The following RUBCN variants were observed in gnomAD, a reference collection of about 807,000 sequenced individuals.
RUBCN encodes the protein run domain Beclin-1-interacting and cysteine-rich domain-containing protein.
RUBCN carries 74 observed loss-of-function variants against 113.2 expected under a neutral mutation model. The observed-to-expected ratio is 0.65, with a 90% CI of 0.54 to 0.79. The LOEUF (loss-of-function observed/expected upper bound fraction) is 0.79. Ranked by LOEUF, RUBCN falls within the 30% of genes least tolerant of loss-of-function variation. The pLI, the probability that RUBCN is intolerant of heterozygous loss-of-function variation, is 0.00. For missense variants in RUBCN, 1,109 were observed against 1,251.7 expected (o/e 0.89, Z 1.72); for synonymous variants, 480 against 490.0 (o/e 0.98, Z 0.27).
chr3:197,684,133 T>A (rs756226775), intron 12 of RUBCN, 24 bp downstream of exon 12: 1 of 1,576,918 alleles, frequency 6.3e-7, no homozygotes, highest in African/African-American at 1.3e-5. Flanking sequence ...TCTTTTCTTT[T>A]TTTTGGTAAA....
rs757297075 is a variant in RUBCN, at chr3:197,684,230, CAG to C, written c.1787-15_1787-14del. ...CTGATGTCAGCATCTACATGGAAAC[CAG>C]AGATAAGGGGAGCGCAATGGAAACG... On this transcript the variant is annotated splice_polypyrimidine_tract_variant and intron_variant, in intron 11 of 19. Coordinates refer to ENST00000296343, the MANE Select transcript of RUBCN (RefSeq NM_014687.4). 6 of 1,611,494 alleles carry C rather than the reference CAG, an allele frequency of 3.7e-6. No individual in the cohort carries two copies. Among genetic ancestry groups the C allele is most frequent in the South Asian group, 2.2e-5 (2 of 91,030 alleles).
Position 197,705,173 on chromosome 3 carries a change from C to T in RUBCN, c.222G>A (p.Ala74=), listed in dbSNP as rs200804023. Residue 74 remains alanine (A), a splice_region_variant and synonymous_variant, in exon 3 of 20, where the codon GCG becomes GCA. Transcript: ENST00000296343. ...GCCAGTAATCCGTCTGGCGGCGGCA[C>T]GCCTGCAAAGGGAACACATACAATG... ...ILYHGLIRDQ[A]CRRQTDYWQF... 373 of 1,613,860 alleles carry T rather than the reference C, an allele frequency of 2.3e-4. 1 individual carries two copies. Among genetic ancestry groups the T allele is most frequent in the African/African-American group, 6.7e-5 (5 of 75,042 alleles).
At chr3:197,688,732 A>G in intron 11 of RUBCN, among the ~76,000 whole-genome samples, 1 of 152,226 alleles carries the variant, frequency 6.6e-6, no homozygotes, top group East Asian at 1.9e-4. Flanking sequence ...AAAGATATCA[A>G]ACCAACTTGG....
chr3:197,700,433 T>C (rs546260087), intron 7 of RUBCN, 180 bp downstream of exon 7: 4 of 629,882 alleles, frequency 6.4e-6, no homozygotes, highest in East Asian at 5.5e-5. Flanking sequence ...CAAACATAAA[T>C]AGACTTAGAG....
chr3:197,723,398 C>A (rs1223118214), intron 1 of RUBCN, among the ~76,000 whole-genome samples: 1 of 152,078 alleles, frequency 6.6e-6, no homozygotes, highest in Non-Finnish European at 1.5e-5. Context: ...GTTGGCCAGG[C>A]CAGTCTCAAA....
In RUBCN at chr3:197,682,332, GC is replaced by G. The variant is rs368401919; in HGVS notation, c.2126+137del. 1.4e-4 allele frequency: 139 copies of G among 1,006,134 alleles called. 2 individuals are homozygous for G. The South Asian group carries it at 1.7e-3, about 12-fold the overall frequency. The allele number at this position is 1,006,134 out of a possible 1,614,324, so 62.3% of individuals were successfully genotyped here. On this transcript the variant is annotated intron_variant, in intron 14 of 19. Coordinates refer to ENST00000296343, the MANE Select transcript of RUBCN (RefSeq NM_014687.4). ...AGAAACGAAGGACCAAATGGACGAC[GC>G]CCCCCCTCTGCCTTTAAATGAAGAG...
intron 16 of RUBCN, among the ~76,000 whole-genome samples, chr3:197,679,923 C>T (rs568460595): frequency 5.4e-3 from 804 of 147,766 alleles, no homozygotes; most frequent in African/African-American, 0.019. Flanking sequence ...TACGCTCTGA[C>T]AACTGGCTCC....
upstream of RUBCN, among the ~76,000 whole-genome samples, chr3:197,740,745 C>T (rs748881266): frequency 3.3e-5 from 5 of 151,814 alleles, no homozygotes; most frequent in Non-Finnish European, 7.4e-5. Flanking sequence ...CTCAGCCTCC[C>T]GAGTAGCTGG....
At chr3:197,687,373 C>A (rs370154025) in intron 11 of RUBCN, among the ~76,000 whole-genome samples, 1 of 152,224 alleles carries the variant, frequency 6.6e-6, no homozygotes, top group Non-Finnish European at 1.5e-5. Flanking sequence ...AGCTCATCAA[C>A]GTTCCTTTTT....
chr3:197,716,305 TTTAG>T (rs1013395311), intron 2 of RUBCN, among the ~76,000 whole-genome samples: 9 of 152,190 alleles, frequency 5.9e-5, no homozygotes, highest in Admixed American at 2.6e-4. Flanking sequence ...TTTTTGTAAT[TTTAG>T]TAGATACAGA....
chr3:197,689,553 A>T (rs1173431914), intron 11 of RUBCN, among the ~76,000 whole-genome samples: 10 of 152,192 alleles, frequency 6.6e-5, no homozygotes, highest in African/African-American at 2.2e-4. Context: ...CACACCGGAA[A>T]CCAGTTAGAA....
chr3:197,715,931 A>T (rs891136068), intron 2 of RUBCN, among the ~76,000 whole-genome samples: 1 of 152,230 alleles, frequency 6.6e-6, no homozygotes, highest in African/African-American at 2.4e-5. Context: ...TTAGGGAACA[A>T]GATGAAAATT....
chr3:197,670,314 C>T lies in RUBCN; in HGVS notation c.*4704G>A, dbSNP rs1414470053. Among the ~76,000 whole-genome samples, 3 of 152,144 alleles carry T rather than the reference C, an allele frequency of 2.0e-5. No homozygotes were observed. The highest frequency in any genetic ancestry group is 4.8e-5 in the African/African-American group (2 of 41,448). On this transcript the variant is annotated 3_prime_UTR_variant, in exon 20 of 20. Coordinates refer to ENST00000296343, the MANE Select transcript of RUBCN (RefSeq NM_014687.4). Reference sequence around the variant, plus strand: ...AAACAATATTCTGTGATTCTTTGTACTCTCAGCTCTGGCATGGTGTCTGGA... The same window carrying T: ...AAACAATATTCTGTGATTCTTTGTATTCTCAGCTCTGGCATGGTGTCTGGA...
upstream of RUBCN, among the ~76,000 whole-genome samples, chr3:197,741,607 G>T (rs1225755044): frequency 6.6e-6 from 1 of 152,164 alleles, no homozygotes; most frequent in East Asian, 1.9e-4. Flanking sequence ...GAGGTGGGAG[G>T]ATCACTTGAG....
At chr3:197,745,761 G>A (rs1326142364) in intron 1 of RUBCN, among the ~76,000 whole-genome samples, 1 of 152,086 alleles carries the variant, frequency 6.6e-6, no homozygotes, top group Non-Finnish European at 1.5e-5. Context: ...GTTGAGCTGG[G>A]CGCGGTGGCT....
rs556845058 is a variant in RUBCN at position 197,684,361 on chromosome 3, G to A, written c.1787-144C>T. The A allele has an allele frequency of 1.1e-5, 8 of 758,976 alleles. No homozygotes were observed. In the East Asian group the frequency reaches 1.9e-4, roughly 18 times the overall value. 47.0% of individuals were successfully genotyped at this position (758,976 alleles called of 1,614,324 possible). On this transcript the variant is annotated intron_variant, in intron 11 of 19. Transcript: ENST00000296343. Reference sequence around the variant, plus strand: ...TATGCAGGAGAAAGGAGCAGGTGAAGCTCTAAACACAGGTTATAATTTGCC... The same window carrying A: ...TATGCAGGAGAAAGGAGCAGGTGAAACTCTAAACACAGGTTATAATTTGCC...
chr3:197,700,670 T>TTGCCCCACTGGTGACAGTGAGTGTC lies in RUBCN; in HGVS notation c.1179_1203dup (p.Lys402AspfsTer32). 6.2e-7 allele frequency: 1 copy of TTGCCCCACTGGTGACAGTGAGTGTC among 1,614,140 alleles called. No individual in the cohort carries two copies. Among genetic ancestry groups the TTGCCCCACTGGTGACAGTGAGTGTC allele is most frequent in the Non-Finnish European group, 8.5e-7 (1 of 1,180,010 alleles). The stretch of plus-strand genomic sequence containing the variant: ...GAATGGGAGCGAATGTGGCTTTTCT[T>TTGCCCCACTGGTGACAGTGAGTGTC]TGCCCCACTGGTGACAGTGAGTGTC... On this transcript the variant is annotated frameshift_variant, in exon 7 of 20. Coordinates refer to ENST00000296343, the MANE Select transcript of RUBCN (RefSeq NM_014687.4). LOFTEE classifies it high-confidence loss of function.
At position 197,704,642 on chromosome 3, in the gene RUBCN, AACAGC is replaced by A; in HGVS notation, c.358_362del (p.Ala120CysfsTer25). 1 of 1,614,158 alleles carries A rather than the reference AACAGC, an allele frequency of 6.2e-7. No individual in the cohort carries two copies. Among genetic ancestry groups the A allele is most frequent in the East Asian group, 2.2e-5 (1 of 44,870 alleles). ...GGCTGTGCTGCAGCCACAGCTCGGC[AACAGC>A]ACGTTCACTGGCACCATCAGCACTG... On this transcript the variant is annotated frameshift_variant, in exon 4 of 20. Transcript: ENST00000296343. LOFTEE classifies it high-confidence loss of function.
intron 1 of RUBCN, among the ~76,000 whole-genome samples, chr3:197,726,057 C>T (rs1234449503): frequency 6.6e-6 from 1 of 152,254 alleles, no homozygotes; most frequent in South Asian, 2.1e-4. Flanking sequence ...TCAACTTTCT[C>T]TAAAAAGGTT....
Sources: allele counts gnomAD v4.1 joint callset (sites outside exome capture counted in the v4.1 genomes callset), GRCh38; gene constraint gnomAD v4.1.1; transcripts MANE v1.5; gene names NCBI Gene and HGNC (gene_info 2026-07-23, HGNC 2026-07-21).